ITGBL1: variants seen among roughly 807,000 people sequenced by gnomAD.
The protein encoded by ITGBL1 is integrin subunit beta like 1.
ITGBL1 carries 51 observed loss-of-function variants against 68.5 expected under a neutral mutation model. The ratio of observed to expected loss-of-function variants is 0.74; its 90% CI spans 0.59 to 0.94. The LOEUF (loss-of-function observed/expected upper bound fraction) is 0.94, where lower values mean the gene tolerates loss of function less well. Ranked by LOEUF, ITGBL1 falls within the 40% of genes least tolerant of loss-of-function variation. The pLI is 0.00. For synonymous variants in ITGBL1, 209 were observed against 227.3 expected, an observed-to-expected ratio of 0.92 and a Z score of 0.72; for missense variants, 649 against 647.4, an observed-to-expected ratio of 1.00 and a Z score of -0.03.
At chr13:101,547,941 A>T (rs2049855647) in intron 2 of ITGBL1, among the ~76,000 whole-genome samples, 1 of 151,606 alleles carries the variant, frequency 6.6e-6, no homozygotes, top group Admixed American at 6.6e-5. Flanking sequence ...ATATACACAC[A>T]TGTATATACA....
chr13:101,492,082 G>A (rs1208688740), intron 2 of ITGBL1, among the ~76,000 whole-genome samples: 1 of 152,276 alleles, frequency 6.6e-6, no homozygotes, highest in African/African-American at 2.4e-5. Context: ...GAATAGTGCT[G>A]CAATAAACAT....
intron 7 of ITGBL1, among the ~76,000 whole-genome samples, chr13:101,629,202 A>G (rs2031895627): frequency 6.6e-6 from 1 of 152,090 alleles, no homozygotes; most frequent in South Asian, 2.1e-4. Context: ...CAGATTTGTC[A>G]CTTTGGGGCA....
intron 6 of ITGBL1, among the ~76,000 whole-genome samples, chr13:101,593,556 G>C (rs927372861): frequency 4.0e-5 from 6 of 151,756 alleles, no homozygotes; most frequent in African/African-American, 9.7e-5. Context: ...AAAAAATTGT[G>C]GTATATATAC....
At chr13:101,647,541 G>A (rs1361821843) in intron 7 of ITGBL1, among the ~76,000 whole-genome samples, 1 of 152,204 alleles carries the variant, frequency 6.6e-6, no homozygotes, top group African/African-American at 2.4e-5. Context: ...GCCAGTGCTT[G>A]AGAAACCCAG....
intron 2 of ITGBL1, among the ~76,000 whole-genome samples, chr13:101,462,102 C>T (rs2048325733): frequency 1.3e-5 from 2 of 152,266 alleles, no homozygotes; most frequent in South Asian, 2.1e-4. Context: ...AAGCTACTTT[C>T]GGGTCCTTAC....
chr13:101,532,418 T>C (rs1201624160), intron 2 of ITGBL1, among the ~76,000 whole-genome samples: 2 of 152,164 alleles, frequency 1.3e-5, no homozygotes, highest in African/African-American at 4.8e-5. Context: ...TCCAAATATA[T>C]GTTAATATAT....
chr13:101,649,211 T>C (rs1408121362), intron 7 of ITGBL1, among the ~76,000 whole-genome samples: 1 of 152,210 alleles, frequency 6.6e-6, no homozygotes, highest in Non-Finnish European at 1.5e-5. Context: ...ACACATCTGT[T>C]TCTCTGATTC....
chr13:101,587,773 A>G (rs1175332828), intron 6 of ITGBL1, among the ~76,000 whole-genome samples: 1 of 152,212 alleles, frequency 6.6e-6, no homozygotes, highest in East Asian at 1.9e-4. Flanking sequence ...TAAGAAAGAA[A>G]CTAAAGGAAA....
Position 101,704,293 on chromosome 13 carries a change from T to C in ITGBL1, c.1133-2463T>C, listed in dbSNP as rs367871367. On this transcript the variant is annotated intron_variant, in intron 8 of 10. Transcript: ENST00000376180. ...TGGAGGTATTAAGTGGGGATGCTAATAGAACACAAAGTGTGGAATCATGAA... is the reference window on the plus strand; with the variant it reads ...TGGAGGTATTAAGTGGGGATGCTAACAGAACACAAAGTGTGGAATCATGAA... 6.6e-4 allele frequency among the ~76,000 whole-genome samples: 100 copies of C among 152,012 alleles called. 3 individuals are homozygous for C. In the South Asian group the frequency reaches 0.02, roughly 31 times the overall value.
At chr13:101,593,282 G>C (rs1341684704) in intron 6 of ITGBL1, among the ~76,000 whole-genome samples, 9 of 152,010 alleles carry the variant, frequency 5.9e-5, no homozygotes, top group Non-Finnish European at 1.3e-4. Context: ...ATGTTGGCAA[G>C]GGAGGTAGAG....
At chr13:101,637,049 C>T (rs953659933) in intron 7 of ITGBL1, among the ~76,000 whole-genome samples, 3 of 152,072 alleles carry the variant, frequency 2.0e-5, no homozygotes, top group Non-Finnish European at 4.4e-5. Context: ...ATTCATTAGA[C>T]TATTTTTATA....
chr13:101,651,873 T>A (rs2032763315), intron 7 of ITGBL1, among the ~76,000 whole-genome samples: 1 of 152,134 alleles, frequency 6.6e-6, no homozygotes, highest in African/African-American at 2.4e-5. Flanking sequence ...GGGTCCAGTT[T>A]CCATTTTCTG....
rs146459730 is a variant in ITGBL1, at chr13:101,553,373, C to T, written c.317-14326C>T. ...TTTCAACCCTCATTTATGAGGTCAC[C>T]TCTTAAGCATATATATTAAAATGCA... On this transcript the variant is annotated intron_variant, in intron 2 of 10. Transcript: ENST00000376180. Among the ~76,000 whole-genome samples, 54 of 152,244 alleles carry T rather than the reference C, an allele frequency of 3.5e-4. No homozygotes were observed. In the East Asian group the frequency reaches 8.1e-3, roughly 23 times the overall value.
chr13:101,622,011 A>C (rs992395153), intron 7 of ITGBL1, among the ~76,000 whole-genome samples: 3 of 152,160 alleles, frequency 2.0e-5, no homozygotes, highest in Admixed American at 2.0e-4. Context: ...TAATACATTT[A>C]AGATAGTGGA....
chr13:101,597,389 C>T (rs1477576367), intron 6 of ITGBL1, among the ~76,000 whole-genome samples: 1 of 134,262 alleles, frequency 7.4e-6, no homozygotes, highest in Admixed American at 8.2e-5. Context: ...GAGAAAGGAG[C>T]GTTTATATAT....
intron 7 of ITGBL1, among the ~76,000 whole-genome samples, chr13:101,683,525 G>A (rs1053688176): frequency 6.6e-6 from 1 of 151,926 alleles, no homozygotes; most frequent in Non-Finnish European, 1.5e-5. Context: ...GAATAATGTT[G>A]CTATGATTAT....
At chr13:101,682,012 T>C (rs1165356787) in intron 7 of ITGBL1, among the ~76,000 whole-genome samples, 2 of 152,172 alleles carry the variant, frequency 1.3e-5, no homozygotes, top group East Asian at 1.9e-4. Context: ...CTACCAGAAG[T>C]TGACAACTTT....
chr13:101,707,054 C>T, intron 9 of ITGBL1, 152 bp downstream of exon 9: 5 of 731,554 alleles, frequency 6.8e-6, no homozygotes, highest in Non-Finnish European at 1.1e-5. Flanking sequence ...TGAAGATTAA[C>T]CAAATGAAGT....
At chr13:101,458,195 TA>T (rs1379788647) in intron 2 of ITGBL1, among the ~76,000 whole-genome samples, 1 of 152,330 alleles carries the variant, frequency 6.6e-6, no homozygotes, top group African/African-American at 2.4e-5. Context: ...TACAAATTTT[TA>T]TGAGGGCTCC....
Sources: allele counts gnomAD v4.1 joint callset (sites outside exome capture counted in the v4.1 genomes callset), GRCh38; gene constraint gnomAD v4.1.1; transcripts MANE v1.5; gene names NCBI Gene and HGNC (gene_info 2026-07-23, HGNC 2026-07-21).